Variants in ZMYM2 observed in about 807,000 individuals in gnomAD.
The protein encoded by ZMYM2 is zinc finger MYM-type protein 2.
Under a neutral mutation model 162.8 loss-of-function variants are expected in ZMYM2, and 56 were observed. The observed-to-expected ratio is 0.34, with a 90% CI of 0.28 to 0.43. The LOEUF is 0.43. Among genes scored for constraint, ZMYM2 ranks in the 20% least tolerant of loss-of-function variants. The pLI, the probability that ZMYM2 is intolerant of heterozygous loss-of-function variation, is 1.00. For missense variants in ZMYM2, 1,275 were observed against 1,621.8 expected (o/e 0.79, Z 3.67); for synonymous variants, 510 against 541.6 (o/e 0.94, Z 0.81).
At chr13:20,075,670 C>CCTTTTTT (rs1957435702) in intron 21 of ZMYM2, among the ~76,000 whole-genome samples, 2 of 75,738 alleles carry the variant, frequency 2.6e-5, no homozygotes, top group African/African-American at 1.1e-4. Context: ...CTATAGACAC[C>CCTTTTTT]TTTTTTTTTT....
In ZMYM2 at chr13:20,036,794, C is replaced by G; in HGVS notation, c.2177C>G (p.Thr726Ser). 1 of 1,603,288 alleles carries G rather than the reference C, an allele frequency of 6.2e-7. No individual in the cohort carries two copies. Among genetic ancestry groups the G allele is most frequent in the African/African-American group, 1.3e-5 (1 of 74,822 alleles). ...FARRLGLRCV[T>S]CNYCSQLCKK... ...AGACGTTTAGGATTGAGATGTGTTA[C>G]TTGCAACTATTGTTCTCAGCTATGT... The change falls in exon 12 of 25, where the codon ACT (threonine) becomes AGT (serine). Residue 726 changes from threonine to serine, a missense_variant. Thr to Ser is a moderately conservative substitution (Grantham distance 58). Transcript: ENST00000610343.
intron 11 of ZMYM2, among the ~76,000 whole-genome samples, 161 bp downstream of exon 11, chr13:20,034,565 A>G (rs1250598702): frequency 6.6e-6 from 1 of 152,200 alleles, no homozygotes; most frequent in Non-Finnish European, 1.5e-5. Context: ...ATGTGTTTGT[A>G]GATCTGGGCT....
intron 14 of ZMYM2, among the ~76,000 whole-genome samples, chr13:20,053,418 AG>A (rs1955532184): frequency 6.6e-6 from 1 of 152,200 alleles, no homozygotes; most frequent in African/African-American, 2.4e-5. Context: ...CCCTGCAACA[AG>A]GCAAGTGGAT....
intron 10 of ZMYM2, 133 bp from the exon 11 acceptor site, chr13:20,034,121 C>A: frequency 1.3e-6 from 1 of 786,836 alleles, no homozygotes; most frequent in Non-Finnish European, 1.8e-6. Context: ...GCATCCATGG[C>A]CTGTAGGAAA....
intron 12 of ZMYM2, among the ~76,000 whole-genome samples, chr13:20,042,441 G>A (rs907810080): frequency 1.3e-5 from 2 of 152,004 alleles, no homozygotes; most frequent in African/African-American, 4.8e-5. Context: ...TGGGTATTTT[G>A]TCTGTAAGCT....
chr13:19,921,216 T>C, the ZMYM2 span, among the ~76,000 whole-genome samples: 1 of 152,160 alleles, frequency 6.6e-6, no homozygotes, highest in African/African-American at 2.4e-5. Context: ...CTCTGATCAC[T>C]GCAACCTCCA....
At chr13:19,887,574 T>C in the ZMYM2 span, among the ~76,000 whole-genome samples, 2 of 151,548 alleles carry the variant, frequency 1.3e-5, no homozygotes, top group Non-Finnish European at 2.9e-5. Flanking sequence ...ATTTTCTTCA[T>C]TTATTTGTTG....
the ZMYM2 span, among the ~76,000 whole-genome samples, chr13:19,943,045 G>C: frequency 6.6e-6 from 1 of 152,102 alleles, no homozygotes; most frequent in Non-Finnish European, 1.5e-5. Flanking sequence ...TGAAATCAAG[G>C]TGTTAGCTGG....
At chr13:20,057,185 C>T (rs533568641) in intron 14 of ZMYM2, among the ~76,000 whole-genome samples, 339 of 152,310 alleles carry the variant, frequency 2.2e-3, no homozygotes, top group Non-Finnish European at 4.0e-3. Flanking sequence ...TCATTGCAAC[C>T]TCTGCCTCCC....
At chr13:19,978,895 C>T (rs568396931) in intron 2 of ZMYM2, among the ~76,000 whole-genome samples, 2 of 152,148 alleles carry the variant, frequency 1.3e-5, no homozygotes, top group African/African-American at 4.8e-5. Flanking sequence ...TGGAAGAACT[C>T]TCTTCAGCAT....
At chr13:20,006,248 A>AAAAT (rs1181853441) in intron 5 of ZMYM2, 126 bp from the exon 6 acceptor site, 2 of 554,144 alleles carry the variant, frequency 3.6e-6, no homozygotes, top group African/African-American at 2.8e-5. Flanking sequence ...AAAAAAAAAA[A>AAAAT]TTTTTTTTTT....
intron 12 of ZMYM2, among the ~76,000 whole-genome samples, chr13:20,041,420 C>G (rs897269234): frequency 2.0e-5 from 3 of 152,108 alleles, no homozygotes; most frequent in Non-Finnish European, 4.4e-5. Flanking sequence ...TTTCTCCATC[C>G]CTTTATTTTG....
At chr13:19,894,952 G>C in the ZMYM2 span, among the ~76,000 whole-genome samples, 1 of 151,174 alleles carries the variant, frequency 6.6e-6, no homozygotes, top group Non-Finnish European at 1.5e-5. Context: ...AGCCAGGCAT[G>C]GTCATGGGCG....
At chr13:20,074,068 A>G (rs1391779164) in intron 21 of ZMYM2, among the ~76,000 whole-genome samples, 2 of 151,948 alleles carry the variant, frequency 1.3e-5, no homozygotes, top group African/African-American at 2.4e-5. Context: ...TTCTATCTCT[A>G]TGATTTTGAC....
At chr13:20,059,846 C>T (rs1566423034) in intron 16 of ZMYM2, among the ~76,000 whole-genome samples, 1 of 151,978 alleles carries the variant, frequency 6.6e-6, no homozygotes, top group Non-Finnish European at 1.5e-5. Flanking sequence ...CCAGCCTGGG[C>T]AACATGGTGA....
intron 21 of ZMYM2, 93 bp from the exon 22 acceptor site, chr13:20,081,922 AT>A: frequency 5.6e-6 from 4 of 719,650 alleles, no homozygotes; most frequent in Non-Finnish European, 8.7e-6. Flanking sequence ...ATAAAGCTTT[AT>A]TTTTTTCTTA....
At chr13:19,932,542 G>A in the ZMYM2 span, among the ~76,000 whole-genome samples, 14 of 152,138 alleles carry the variant, frequency 9.2e-5, no homozygotes, top group East Asian at 9.6e-4. Flanking sequence ...CCAGCTACTC[G>A]GGAGGCTGAG....
the ZMYM2 span, among the ~76,000 whole-genome samples, chr13:19,866,729 C>G: frequency 0.1 from 15,183 of 151,992 alleles, 903 homozygotes; most frequent in African/African-American, 0.17. Context: ...GACCCAGTCT[C>G]TACAAAAAAT....
At chr13:20,078,820 T>C (rs1181161626) in intron 21 of ZMYM2, among the ~76,000 whole-genome samples, 1 of 152,106 alleles carries the variant, frequency 6.6e-6, no homozygotes, top group African/African-American at 2.4e-5. Flanking sequence ...AAGTAAAATA[T>C]TATACTTTTT....
Sources: allele counts gnomAD v4.1 joint callset (sites outside exome capture counted in the v4.1 genomes callset), GRCh38; gene constraint gnomAD v4.1.1; transcripts MANE v1.5; gene names NCBI Gene and HGNC (gene_info 2026-07-23, HGNC 2026-07-21).